Variants in FOXJ3 observed in about 807,000 individuals in gnomAD.
FOXJ3 encodes forkhead box J3, also known as forkhead box protein J3.
FOXJ3 carries 22 observed loss-of-function variants against 76.1 expected under a neutral mutation model. The ratio of observed to expected loss-of-function variants is 0.29; its 90% CI spans 0.21 to 0.41. The LOEUF (loss-of-function observed/expected upper bound fraction) is 0.41, where lower values mean the gene tolerates loss of function less well. Ranked by LOEUF, FOXJ3 falls within the 10% of genes least tolerant of loss-of-function variation. FOXJ3 has a pLI of 1.00. For missense variants in FOXJ3, 613 were observed against 762.1 expected (o/e 0.80, Z 2.30); for synonymous variants, 269 against 261.2 (o/e 1.03, Z -0.29).
At chr1:42,244,466 A>G (rs1025832508) in intron 4 of FOXJ3, among the ~76,000 whole-genome samples, 1 of 152,156 alleles carries the variant, frequency 6.6e-6, no homozygotes, top group Non-Finnish European at 1.5e-5. Flanking sequence ...GCAATGAGCT[A>G]GGATCGTGTC....
intron 11 of FOXJ3, among the ~76,000 whole-genome samples, chr1:42,183,243 G>A (rs570487232): frequency 7.0e-6 from 1 of 143,366 alleles, no homozygotes; most frequent in Non-Finnish European, 1.5e-5. Context: ...TTAATAGAGT[G>A]AGACCCTGTC....
intron 11 of FOXJ3, among the ~76,000 whole-genome samples, chr1:42,187,164 A>G (rs1320178622): frequency 6.6e-6 from 1 of 151,388 alleles, no homozygotes; most frequent in African/African-American, 2.5e-5. Flanking sequence ...GCCTTCTTCT[A>G]ACACTGACCC....
chr1:42,185,559 C>T (rs1646418922), intron 11 of FOXJ3, among the ~76,000 whole-genome samples: 1 of 151,960 alleles, frequency 6.6e-6, no homozygotes, highest in African/African-American at 2.4e-5. Context: ...TCTGTCTCAA[C>T]CACTAGGTTG....
intron 1 of FOXJ3, among the ~76,000 whole-genome samples, chr1:42,312,964 CTGTGACAGCAGTGCAAGGG>C (rs1654897587): frequency 6.6e-6 from 1 of 152,216 alleles, no homozygotes; most frequent in African/African-American, 2.4e-5. Flanking sequence ...GGATCAGGGA[CTGTGACAGCAGTGCAAGGG>C]TGTCTTCCCT....
At chr1:42,210,650 C>A (rs1433443886) in intron 5 of FOXJ3, among the ~76,000 whole-genome samples, 1 of 152,030 alleles carries the variant, frequency 6.6e-6, no homozygotes, top group Admixed American at 6.6e-5. Flanking sequence ...TTGAGAAAGC[C>A]AACACAAGCT....
chr1:42,311,650 A>AAAGTAGTAGTAGTAGTAGT (rs1553169326), intron 1 of FOXJ3, among the ~76,000 whole-genome samples: 3 of 149,414 alleles, frequency 2.0e-5, no homozygotes, highest in African/African-American at 7.4e-5. Context: ...TTTAAAAAAA[A>AAAGTAGTAGTAGTAGTAGT]AGTAGTAGTA....
intron 5 of FOXJ3, among the ~76,000 whole-genome samples, chr1:42,222,046 GAGAAGAAGAAGA>G (rs1161062102): frequency 6.4e-3 from 58 of 9,010 alleles, no homozygotes; most frequent in East Asian, 0.013. Context: ...GAAGGAGAAG[GAGAAGAAGAAGA>G]AGAAGAAGAA....
intron 3 of FOXJ3, among the ~76,000 whole-genome samples, chr1:42,271,391 T>C (rs1319103161): frequency 1.3e-5 from 2 of 152,116 alleles, no homozygotes; most frequent in Admixed American, 1.3e-4. Flanking sequence ...CTTATTTCCT[T>C]CTACATCCTT....
chr1:42,268,749 A>G (rs1240537019), intron 3 of FOXJ3, among the ~76,000 whole-genome samples: 1 of 152,202 alleles, frequency 6.6e-6, no homozygotes, highest in Non-Finnish European at 1.5e-5. Flanking sequence ...GCAGTAACTT[A>G]AAGATGTTAC....
At position 42,263,930 on chromosome 1, in the gene FOXJ3, CTTTTTTTTTTTT is replaced by C. The variant is rs61375062; in HGVS notation, c.444+1173_444+1184del. Reference sequence around the variant, plus strand: ...AAAAGAGACCATATGAGTAGGTTAACTTTTTTTTTTTTTTTTTTTTTTTTTTTTGAAGATTGC... The same window carrying C: ...AAAAGAGACCATATGAGTAGGTTAACTTTTTTTTTTTTTTTTGAAGATTGC... On this transcript the variant is annotated intron_variant, in intron 4 of 12. Coordinates refer to ENST00000361346, the MANE Select transcript of FOXJ3 (RefSeq NM_014947.5). 5.1e-3 allele frequency among the ~76,000 whole-genome samples: 368 copies of C among 71,472 alleles called. 2 individuals carry two copies. The highest frequency in any genetic ancestry group is 0.013 in the African/African-American group (271 of 20,098). The allele number at this position is 71,472 out of a possible 152,430, so 46.9% of individuals were successfully genotyped here.
rs193283389 is a variant in FOXJ3, at chr1:42,276,973, C to T, written c.369+1375G>A. ...CAATCCTCTTGCCTTCACCTCTCAACGCGCTGAGATTACAGGCGTGAGCCA... is the reference window on the plus strand; with the variant it reads ...CAATCCTCTTGCCTTCACCTCTCAATGCGCTGAGATTACAGGCGTGAGCCA... On this transcript the variant is annotated intron_variant, in intron 3 of 12. Coordinates refer to ENST00000361346, the MANE Select transcript of FOXJ3 (RefSeq NM_014947.5). 5.1e-4 allele frequency among the ~76,000 whole-genome samples: 77 copies of T among 152,248 alleles called. 2 individuals are homozygous for T. In the East Asian group the frequency reaches 0.01, roughly 21 times the overall value.
At chr1:42,228,639 G>A (rs1043488845) in intron 4 of FOXJ3, among the ~76,000 whole-genome samples, 15 of 147,868 alleles carry the variant, frequency 1.0e-4, no homozygotes, top group Non-Finnish European at 2.2e-4. Context: ...ATACAAACAA[G>A]AAGAGCAAAA....
At chr1:42,304,292 T>C (rs915532855) in intron 2 of FOXJ3, among the ~76,000 whole-genome samples, 3 of 147,184 alleles carry the variant, frequency 2.0e-5, no homozygotes, top group African/African-American at 7.5e-5. Flanking sequence ...GTTCATGGAG[T>C]AGAAGAACCA....
intron 4 of FOXJ3, among the ~76,000 whole-genome samples, chr1:42,260,368 ATGGT>A (rs1650940708): frequency 6.6e-6 from 1 of 152,202 alleles, no homozygotes; most frequent in Non-Finnish European, 1.5e-5. Context: ...CAACTATGTT[ATGGT>A]CCCTTATACT....
In FOXJ3 at chr1:42,261,204, T is replaced by A. The variant is rs79284706; in HGVS notation, c.444+3911A>T. Among the ~76,000 whole-genome samples the A allele has an allele frequency of 3.6e-3, 499 of 137,044 alleles. 4 individuals carry two copies. Among genetic ancestry groups the A allele is most frequent in the African/African-American group, 0.012 (450 of 37,306 alleles). The allele number at this position is 137,044 out of a possible 152,430, so 89.9% of individuals were successfully genotyped here. On this transcript the variant is annotated intron_variant, in intron 4 of 12. Coordinates refer to ENST00000361346, the MANE Select transcript of FOXJ3 (RefSeq NM_014947.5). ...AATAAGACTTATAACCCAAAGAATT[T>A]AAAAAAAAAAAGACAAATATAGAGA...
chr1:42,243,883 A>C (rs76533524), intron 4 of FOXJ3, among the ~76,000 whole-genome samples: 1,894 of 152,328 alleles, frequency 0.012, 34 homozygotes, highest in African/African-American at 0.042. Flanking sequence ...TGTTCCCATC[A>C]GTACATGGAA....
At chr1:42,252,294 T>C (rs1372138625) in intron 4 of FOXJ3, among the ~76,000 whole-genome samples, 1 of 152,240 alleles carries the variant, frequency 6.6e-6, no homozygotes, top group Admixed American at 6.5e-5. Context: ...ATTGCCACAA[T>C]TTCAGATCCT....
At chr1:42,255,793 C>G (rs995773217) in intron 4 of FOXJ3, among the ~76,000 whole-genome samples, 7 of 152,116 alleles carry the variant, frequency 4.6e-5, no homozygotes, top group Non-Finnish European at 7.4e-5. Flanking sequence ...GAGGCCGAGG[C>G]AGGCAGATCA....
chr1:42,274,215 A>G (rs975315836), intron 3 of FOXJ3, among the ~76,000 whole-genome samples: 26 of 152,210 alleles, frequency 1.7e-4, no homozygotes, highest in Admixed American at 1.3e-4. Flanking sequence ...TAAAGCCAGA[A>G]AGCACAGCTT....
Sources: gnomAD v4.1 joint callset for allele counts (sites outside exome capture counted in the v4.1 genomes callset) on GRCh38, gnomAD v4.1.1 for gene constraint, MANE v1.5 for transcripts, NCBI Gene and HGNC (gene_info 2026-07-23, HGNC 2026-07-21) for gene names.